PLD1: variants seen among roughly 807,000 people sequenced by gnomAD.
PLD1 encodes choline phosphatase 1.
Under a neutral mutation model 137.1 loss-of-function variants are expected in PLD1, and 112 were observed. The observed-to-expected ratio is 0.82, with a 90% CI of 0.70 to 0.96. The LOEUF (loss-of-function observed/expected upper bound fraction) is 0.96. PLD1 is among the 40% of genes least tolerant of loss of function. PLD1 has a pLI of 0.00. For synonymous variants in PLD1, 431 were observed against 454.7 expected (o/e 0.95, Z 0.66); for missense variants, 1,321 against 1,342.0 (o/e 0.98, Z 0.24).
intron 8 of PLD1, among the ~76,000 whole-genome samples, chr3:171,722,739 T>A (rs1250617451): frequency 6.6e-6 from 1 of 152,184 alleles, no homozygotes; most frequent in Non-Finnish European, 1.5e-5. Context: ...CACAATGCGA[T>A]GGTTTTTAGC....
intron 23 of PLD1, among the ~76,000 whole-genome samples, chr3:171,621,757 C>T (rs1277570883): frequency 6.6e-6 from 1 of 152,068 alleles, no homozygotes; most frequent in East Asian, 1.9e-4. Context: ...AATTTATTCC[C>T]CCATTTGTTA....
intron 14 of PLD1, 85 bp from the exon 15 acceptor site, chr3:171,687,669 A>G: frequency 1.2e-6 from 1 of 831,848 alleles, no homozygotes; most frequent in Non-Finnish European, 1.9e-6. Flanking sequence ...CTGAAGTATA[A>G]AGTTTACAAA....
intron 4 of PLD1, among the ~76,000 whole-genome samples, chr3:171,735,273 T>G (rs1284984835): frequency 6.6e-6 from 1 of 152,182 alleles, no homozygotes; most frequent in African/African-American, 2.4e-5. Context: ...AACTACTAAC[T>G]ATCACCACGT....
At position 171,642,207 on chromosome 3, in the gene PLD1, C is replaced by A. The variant is rs191603050; in HGVS notation, c.2593+633G>T. ...TGGTGGCTCACACTTGTAATCCCAGCACTTTGGGAGGCTGTGGCGGGTGGA... is the reference window on the plus strand; with the variant it reads ...TGGTGGCTCACACTTGTAATCCCAGAACTTTGGGAGGCTGTGGCGGGTGGA... On this transcript the variant is annotated intron_variant, in intron 23 of 26. Transcript: ENST00000351298. Among the ~76,000 whole-genome samples, 233 of 152,174 alleles carry A rather than the reference C, an allele frequency of 1.5e-3. 1 individual carries two copies. Among genetic ancestry groups the A allele is most frequent in the African/African-American group, 5.5e-3 (229 of 41,518 alleles).
chr3:171,741,925 T>C (rs1048730775), intron 1 of PLD1, among the ~76,000 whole-genome samples: 3 of 152,338 alleles, frequency 2.0e-5, no homozygotes, highest in Admixed American at 2.0e-4. Flanking sequence ...AACATAAATA[T>C]GAACATTAGC....
intron 11 of PLD1, among the ~76,000 whole-genome samples, chr3:171,702,552 AAATG>A (rs1245966334): frequency 6.6e-6 from 1 of 152,108 alleles, no homozygotes; most frequent in African/African-American, 2.4e-5. Context: ...TAATTATATT[AAATG>A]AATAATAACT....
chr3:171,644,094 C>A (rs1009037976), intron 22 of PLD1, among the ~76,000 whole-genome samples: 2 of 152,142 alleles, frequency 1.3e-5, no homozygotes, highest in African/African-American at 4.8e-5. Flanking sequence ...CTTTACTTAC[C>A]AAAGGTTCTA....
chr3:171,735,048 C>A, intron 4 of PLD1, 78 bp from the exon 5 acceptor site: 1 of 788,960 alleles, frequency 1.3e-6, no homozygotes, highest in Non-Finnish European at 2.2e-6. Flanking sequence ...TTTCATGAGA[C>A]GGCATATTTT....
chr3:171,676,915 A>T (rs978584991), intron 17 of PLD1, 82 bp from the exon 18 acceptor site: 9 of 907,386 alleles, frequency 9.9e-6, no homozygotes, highest in Middle Eastern at 2.3e-4. Context: ...ATGAAACTAA[A>T]AGGAAACGTG....
intron 8 of PLD1, among the ~76,000 whole-genome samples, chr3:171,718,183 C>CT (rs1717818266): frequency 6.6e-6 from 1 of 152,150 alleles, no homozygotes; most frequent in African/African-American, 2.4e-5. Context: ...ACTCTATGCA[C>CT]ATAAACTAGA....
At chr3:171,750,759 T>G (rs1720596252) in intron 1 of PLD1, among the ~76,000 whole-genome samples, 1 of 152,206 alleles carries the variant, frequency 6.6e-6, no homozygotes, top group Admixed American at 6.5e-5. Flanking sequence ...TTAATTAATG[T>G]GGTTGAATTA....
At chr3:171,738,219 C>A in intron 1 of PLD1, 137 bp from the exon 2 acceptor site, 1 of 406,252 alleles carries the variant, frequency 2.5e-6, no homozygotes, top group Middle Eastern at 6.9e-4. Flanking sequence ...TTATCCAAAA[C>A]AACCTTTTAG....
chr3:171,670,211 A>G (rs1030762887), intron 19 of PLD1, among the ~76,000 whole-genome samples: 1 of 152,182 alleles, frequency 6.6e-6, no homozygotes, highest in African/African-American at 2.4e-5. Context: ...CTAGTATTCA[A>G]TAGCAGAGCA....
chr3:171,742,646 T>C (rs949060742), intron 1 of PLD1, among the ~76,000 whole-genome samples: 1 of 152,206 alleles, frequency 6.6e-6, no homozygotes, highest in Non-Finnish European at 1.5e-5. Context: ...TGTTTTCCCA[T>C]TTTTTCATGA....
intron 23 of PLD1, among the ~76,000 whole-genome samples, chr3:171,624,377 T>C (rs1560154490): frequency 6.6e-6 from 1 of 152,146 alleles, no homozygotes; most frequent in East Asian, 1.9e-4. Flanking sequence ...CATATTCTGT[T>C]AGTGAGAATG....
chr3:171,604,333 A>AG (rs1491144577), intron 26 of PLD1, among the ~76,000 whole-genome samples: 1 of 150,346 alleles, frequency 6.7e-6, no homozygotes, highest in Admixed American at 6.6e-5. Flanking sequence ...AAAAAAAAAA[A>AG]GGAAAGAAAG....
intron 6 of PLD1, among the ~76,000 whole-genome samples, chr3:171,729,907 C>A (rs1255883156): frequency 6.6e-6 from 1 of 152,002 alleles, no homozygotes; most frequent in African/African-American, 2.4e-5. Flanking sequence ...GATGTTTTAC[C>A]CAAGGATTTC....
chr3:171,807,339 G>T (rs1360555833), intron 1 of PLD1, among the ~76,000 whole-genome samples: 1 of 152,100 alleles, frequency 6.6e-6, no homozygotes, highest in Non-Finnish European at 1.5e-5. Context: ...GCTACGAGAA[G>T]GAACTCAAAC....
At position 171,644,949 on chromosome 3, in the gene PLD1, C is replaced by A. The variant is rs112743930; in HGVS notation, c.2504G>T (p.Gly835Val). ...PGFEGDISTG[G>V]GNALQAIMHF... ...CATGATTGCCTGTAGAGCATTTCCT[C>A]CGCCGGTTGAAATGTCTCCTTCGAA... The change falls in exon 22 of 27, where the codon GGA becomes GTA. Residue 835 changes from glycine to valine, a missense_variant. Transcript: ENST00000351298. The A allele has an allele frequency of 1.9e-6, 3 of 1,613,772 alleles. No individual in the cohort carries two copies. Among genetic ancestry groups the A allele is most frequent in the Non-Finnish European group, 1.7e-6 (2 of 1,179,780 alleles).
Sources: gnomAD v4.1 joint callset for allele counts (sites outside exome capture counted in the v4.1 genomes callset) on GRCh38, gnomAD v4.1.1 for gene constraint, MANE v1.5 for transcripts, NCBI Gene and HGNC (gene_info 2026-07-23, HGNC 2026-07-21) for gene names.